The following MRPL23 variants were observed in gnomAD, a reference collection of about 807,000 sequenced individuals.
The protein encoded by MRPL23 is mitochondrial ribosomal protein L23.
For missense variants in MRPL23, 25 were observed against 81.3 expected (o/e 0.31, Z 2.66); for synonymous variants, 12 against 34.8 (o/e 0.35, Z 2.30).
chr11:1,991,576 A>G, the MRPL23 span, among the ~76,000 whole-genome samples: 1 of 126,962 alleles, frequency 7.9e-6, no homozygotes, highest in Non-Finnish European at 1.8e-5. Flanking sequence ...ACACACACAC[A>G]CACACACACA....
intron 1 of MRPL23, among the ~76,000 whole-genome samples, 193 bp from the exon 2 acceptor site, chr11:1,950,706 G>T (rs372268097): frequency 4.3e-4 from 13 of 30,138 alleles, no homozygotes; most frequent in African/African-American, 8.3e-4. Flanking sequence ...GAGTGGACAC[G>T]CGGGGGTCTG....
chr11:1,983,950 C>T (rs964427530), intron 5 of MRPL23: 5 of 119,986 alleles, frequency 4.2e-5, no homozygotes, highest in Admixed American at 1.6e-4. Context: ...GGGTGGGGAC[C>T]GCCCTCCCGA....
Position 1,978,429 on chromosome 11 carries a change from G to C in MRPL23, c.497+5671G>C, listed in dbSNP as rs115612568. ...GAATTCTGAATTTTTTAATGAAACG[G>C]ATAGTTGAGGGCTGGAAAAAAGAAA... On this transcript the variant is annotated intron_variant, in intron 5 of 5. Transcript: ENST00000397297. 2.7e-3 allele frequency among the ~76,000 whole-genome samples: 394 copies of C among 143,398 alleles called. 15 individuals carry two copies. Among genetic ancestry groups the C allele is most frequent in the African/African-American group, 8.0e-3 (324 of 40,452 alleles). The allele number at this position is 143,398 out of a possible 152,430, so 94.1% of individuals were successfully genotyped here.
chr11:1,989,192 G>T (rs568992842), downstream of MRPL23, among the ~76,000 whole-genome samples: 1 of 100,216 alleles, frequency 1.0e-5, no homozygotes, highest in South Asian at 3.8e-4. Context: ...GGGCGGCTCC[G>T]TGGGAAAGTC....
chr11:1,992,465 G>A, the MRPL23 span, among the ~76,000 whole-genome samples: 1 of 62,468 alleles, frequency 1.6e-5, no homozygotes, highest in African/African-American at 3.7e-5. Context: ...GGTGGGTGGA[G>A]GGTCTGGGTG....
downstream of MRPL23, among the ~76,000 whole-genome samples, chr11:1,959,315 G>C (rs115505276): frequency 1.3e-5 from 1 of 75,118 alleles, no homozygotes. Context: ...AGAGCCCTGC[G>C]TGCCGCACCC....
the MRPL23 span, chr11:1,993,394 G>A: frequency 1.1e-5 from 1 of 91,550 alleles, no homozygotes; most frequent in African/African-American, 2.9e-5. Context: ...ACGAAGGCCC[G>A]AGGTGGCCCG....
chr11:1,983,448 G>T (rs1195810997), intron 5 of MRPL23: 1 of 70,174 alleles, frequency 1.4e-5, no homozygotes, highest in Non-Finnish European at 3.1e-5. Context: ...TTGCCACCTA[G>T]AACTGGGGAA....
At chr11:1,971,268 C>T (rs906700709) in intron 4 of MRPL23, among the ~76,000 whole-genome samples, 1 of 109,428 alleles carries the variant, frequency 9.1e-6, no homozygotes, top group African/African-American at 2.6e-5. Flanking sequence ...CAGCGCCCCT[C>T]CACCTTCCAG....
downstream of MRPL23, among the ~76,000 whole-genome samples, chr11:1,988,744 T>C (rs1856840721): frequency 7.4e-6 from 1 of 135,566 alleles, no homozygotes; most frequent in Non-Finnish European, 1.6e-5. Context: ...CACGTACTTT[T>C]CCCCGCCCCC....
the MRPL23 span, among the ~76,000 whole-genome samples, chr11:1,991,598 A>ACC: frequency 7.3e-6 from 1 of 136,178 alleles, no homozygotes; most frequent in Non-Finnish European, 1.7e-5. Flanking sequence ...ACCCGTGCAC[A>ACC]CCCATCTGAA....
At chr11:1,971,086 T>TC (rs1327199888) in intron 4 of MRPL23, among the ~76,000 whole-genome samples, 2 of 145,220 alleles carry the variant, frequency 1.4e-5, no homozygotes, top group Non-Finnish European at 3.1e-5. Flanking sequence ...GTCCCTGTCC[T>TC]CCCGGGGCCC....
intron 5 of MRPL23, chr11:1,983,570 G>A (rs1564857111): frequency 8.6e-6 from 1 of 115,934 alleles, no homozygotes. Context: ...TCTCTGTGGA[G>A]GGAGGGGCTG....
chr11:1,948,730 AATCCC>A, intron 1 of MRPL23, among the ~76,000 whole-genome samples: 1 of 55,044 alleles, frequency 1.8e-5, no homozygotes, highest in South Asian at 1.2e-3. Context: ...GTGCTTGTGA[AATCCC>A]ATGCGGAGTG....
chr11:1,991,550 TCACA>T, the MRPL23 span, among the ~76,000 whole-genome samples: 15,542 of 67,784 alleles, frequency 0.23, 2,650 homozygotes, highest in African/African-American at 0.33. Flanking sequence ...TTGTCAGGCA[TCACA>T]CACACACACA....
intron 5 of MRPL23, among the ~76,000 whole-genome samples, chr11:1,978,829 T>G: frequency 2.7e-5 from 2 of 73,272 alleles, no homozygotes; most frequent in Admixed American, 1.4e-4. Context: ...GAGGAAGGGG[T>G]CAGAGTGGAG....
At chr11:1,988,557 T>G, downstream of MRPL23, among the ~76,000 whole-genome samples, 1 of 84,316 alleles carries the variant, frequency 1.2e-5, no homozygotes. Context: ...AAGGCCTGGT[T>G]GCACAGGACA....
chr11:1,994,274 G>A, the MRPL23 span, among the ~76,000 whole-genome samples: 143 of 98,340 alleles, frequency 1.5e-3, 18 homozygotes, highest in African/African-American at 3.6e-3. Flanking sequence ...ACAGCGAGGG[G>A]CCGGGAGCTG....
downstream of MRPL23, among the ~76,000 whole-genome samples, chr11:1,974,115 CCT>C (rs1193054104): frequency 7.0e-6 from 1 of 143,640 alleles, no homozygotes; most frequent in Non-Finnish European, 1.6e-5. Flanking sequence ...AGGGCCATTC[CCT>C]GATTCCTGTC....
Sources: allele counts gnomAD v4.1 joint callset (sites outside exome capture counted in the v4.1 genomes callset), GRCh38; gene constraint gnomAD v4.1.1; transcripts MANE v1.5; gene names NCBI Gene and HGNC (gene_info 2026-07-23, HGNC 2026-07-21).